The following TENM1 variants were observed in gnomAD, a reference collection of about 807,000 sequenced individuals.
TENM1 encodes the protein teneurin transmembrane protein 1.
Under a neutral mutation model 174.8 loss-of-function variants are expected in TENM1, and 35 were observed. That is an observed-to-expected ratio of 0.20 (90% CI 0.15 to 0.27). TENM1 has a LOEUF of 0.27. TENM1 is among the 10% of genes least tolerant of loss of function. The pLI is 1.00. For synonymous variants in TENM1, 781 were observed against 798.7 expected (o/e 0.98, Z 0.37); for missense variants, 1,633 against 2,130.1 (o/e 0.77, Z 4.59).
At chrX:124,784,012 C>T (rs1185601522) in intron 3 of TENM1, among the ~76,000 whole-genome samples, 2 of 112,522 alleles carry the variant, frequency 1.8e-5, no homozygotes, top group Non-Finnish European at 3.8e-5. Flanking sequence ...TGAGCTGCAG[C>T]TCAAGAAACA....
At chrX:125,192,273 T>C in the TENM1 span, among the ~76,000 whole-genome samples, 1 of 112,215 alleles carries the variant, frequency 8.9e-6, no homozygotes, top group Non-Finnish European at 1.9e-5. Flanking sequence ...GCTAGAAGGT[T>C]ATGAGCAATG....
intron 23 of TENM1, among the ~76,000 whole-genome samples, chrX:124,451,995 T>C (rs1241126554): frequency 8.9e-6 from 1 of 112,030 alleles, no homozygotes; most frequent in East Asian, 2.8e-4. Context: ...CAAAAAGCAA[T>C]GGCAACAAAA....
chrX:124,641,897 T>C, exon 11 of TENM1: 4 of 1,210,675 alleles, frequency 3.3e-6, no homozygotes, highest in Non-Finnish European at 3.4e-6. Flanking sequence ...CAGGAAGTGG[T>C]GTTTCACAGT....
At chrX:124,453,277 A>G in intron 23 of TENM1, 60 bp downstream of exon 26, 9 of 1,082,549 alleles carry the variant, frequency 8.3e-6, no homozygotes, top group Middle Eastern at 2.6e-4. Context: ...ACATGAGAAA[A>G]TTGTTATCCA....
intron 3 of TENM1, among the ~76,000 whole-genome samples, chrX:124,877,230 T>C (rs1476043923): frequency 8.9e-6 from 1 of 112,416 alleles, no homozygotes; most frequent in African/African-American, 3.2e-5. Context: ...GATTTCCACT[T>C]TCCTCCACAG....
chrX:124,644,210 C>CAT lies in TENM1; in HGVS notation c.1876+931_1876+932dup, dbSNP rs202056765. Among the ~76,000 whole-genome samples the CAT allele has an allele frequency of 7.7e-3, 737 of 95,626 alleles. 4 individuals carry two copies. Among genetic ancestry groups the CAT allele is most frequent in the African/African-American group, 0.017 (443 of 25,799 alleles). The allele number at this position is 95,626 out of a possible 115,157, so 83.0% of individuals were successfully genotyped here. ...ACATATATATATAAATTTACATATA[C>CAT]ATATATATATATATATGGCAGATAT... is the stretch of plus-strand genomic sequence containing the variant. On this transcript the variant is annotated intron_variant, in intron 10 of 31. Coordinates refer to ENST00000422452, the Ensembl canonical transcript of TENM1.
intron 27 of TENM1, among the ~76,000 whole-genome samples, chrX:124,402,255 GA>G (rs2060408670): frequency 8.9e-6 from 1 of 112,094 alleles, no homozygotes; most frequent in Non-Finnish European, 1.9e-5. Context: ...ATATGTAAAT[GA>G]TTGTTATTGT....
At chrX:124,923,879 A>C (rs1027702738) in intron 1 of TENM1, among the ~76,000 whole-genome samples, 1 of 112,101 alleles carries the variant, frequency 8.9e-6, no homozygotes, top group African/African-American at 3.2e-5. Context: ...AAAGGAATAG[A>C]GCCTTGCTGA....
chrX:124,775,303 C>CAAA (rs35934307), intron 3 of TENM1, among the ~76,000 whole-genome samples: 2 of 50,298 alleles, frequency 4.0e-5, no homozygotes, highest in African/African-American at 1.3e-4. Context: ...AAGACTCCGT[C>CAAA]AAAAAAAAAA....
intron 2 of TENM1, among the ~76,000 whole-genome samples, chrX:124,894,717 AATATAAGAGATCACCTACCACCCCATTTC>A (rs2147573187): frequency 9.0e-6 from 1 of 111,390 alleles, no homozygotes; most frequent in African/African-American, 3.3e-5. Flanking sequence ...ATGTCTTGCC[AATATAAGAGATCACCTACCACCCCATTTC>A]ATATAATTTT....
intron 22 of TENM1, among the ~76,000 whole-genome samples, chrX:124,467,751 G>C (rs756219205): frequency 1.8e-5 from 2 of 111,539 alleles, no homozygotes; most frequent in Non-Finnish European, 3.8e-5. Flanking sequence ...CTAAACCCTA[G>C]TTTTGTTTGT....
rs1174825454 is a variant in TENM1, at chrX:124,758,170, C to G, written c.536-20973G>C. Reference sequence around the variant, plus strand: ...CAATTCAATAGCAGAAAAAACAAAACAAAACAAAACAAAACAAACAGAAAA... The same window carrying G: ...CAATTCAATAGCAGAAAAAACAAAAGAAAACAAAACAAAACAAACAGAAAA... On this transcript the variant is annotated intron_variant, in intron 3 of 31. Coordinates refer to ENST00000422452, the Ensembl canonical transcript of TENM1. 9.7e-4 allele frequency among the ~76,000 whole-genome samples: 108 copies of G among 111,093 alleles called. 4 individuals are homozygous for G. The highest frequency in any genetic ancestry group is 1.3e-4 in the Non-Finnish European group (7 of 52,927).
At chrX:124,456,564 A>G (rs1474036290) in intron 22 of TENM1, among the ~76,000 whole-genome samples, 1 of 111,659 alleles carries the variant, frequency 9.0e-6, no homozygotes, top group Non-Finnish European at 1.9e-5. Context: ...AGAGAATAAT[A>G]TTTGTCCATC....
intron 23 of TENM1, among the ~76,000 whole-genome samples, chrX:124,426,449 A>C (rs762888064): frequency 8.9e-6 from 1 of 112,209 alleles, no homozygotes; most frequent in Non-Finnish European, 1.9e-5. Context: ...CAGCTCAAAG[A>C]GGCTTACAAG....
chrX:124,904,318 A>G (rs150192089), intron 1 of TENM1, among the ~76,000 whole-genome samples: 2 of 111,772 alleles, frequency 1.8e-5, no homozygotes, highest in Non-Finnish European at 3.8e-5. Flanking sequence ...TCCATCATCA[A>G]CTACAGAATA....
chrX:124,649,507 G>A (rs2051243493), intron 8 of TENM1, among the ~76,000 whole-genome samples: 1 of 111,982 alleles, frequency 8.9e-6, no homozygotes, highest in South Asian at 3.7e-4. Flanking sequence ...GAGCTATCTG[G>A]GTTGTGATGA....
chrX:124,647,837 T>C (rs2051201425), intron 8 of TENM1, among the ~76,000 whole-genome samples: 2 of 110,439 alleles, frequency 1.8e-5, no homozygotes, highest in African/African-American at 6.6e-5. Context: ...CTGAGTTTAG[T>C]GTTCTGGCCT....
At chrX:124,649,288 T>G (rs1314338065) in intron 8 of TENM1, among the ~76,000 whole-genome samples, 1 of 112,250 alleles carries the variant, frequency 8.9e-6, no homozygotes, top group Non-Finnish European at 1.9e-5. Flanking sequence ...ATGATAGGTT[T>G]TGTTTCTGGT....
At chrX:125,082,035 TG>T in the TENM1 span, among the ~76,000 whole-genome samples, 3 of 110,747 alleles carry the variant, frequency 2.7e-5, no homozygotes, top group Admixed American at 2.9e-4. Context: ...AATTACTTAA[TG>T]GGTACAAGGT....
Sources: allele counts gnomAD v4.1 joint callset (sites outside exome capture counted in the v4.1 genomes callset), GRCh38; gene constraint gnomAD v4.1.1; transcripts MANE v1.5; gene names NCBI Gene and HGNC (gene_info 2026-07-23, HGNC 2026-07-21).